Variants in TRPC5 observed in about 807,000 individuals in gnomAD.
TRPC5 encodes the protein transient receptor potential cation channel subfamily C member 5, also known as short transient receptor potential channel 5.
In TRPC5, 9 loss-of-function variants were observed where a neutral mutation model predicts 56.5. The ratio of observed to expected loss-of-function variants is 0.16; its 90% CI spans 0.10 to 0.28. The LOEUF is 0.28. Ranked by LOEUF, TRPC5 falls within the 10% of genes least tolerant of loss-of-function variation. The pLI, the probability that TRPC5 is intolerant of heterozygous loss-of-function variation, is 1.00. For missense variants in TRPC5, 469 were observed against 748.9 expected (o/e 0.63, Z 4.36); for synonymous variants, 282 against 278.5 (o/e 1.01, Z -0.13).
chrX:111,773,740 C>G lies in TRPC5; in HGVS notation c.*2573G>C, dbSNP rs760176987. Among the ~76,000 whole-genome samples, 1 of 111,199 alleles carries G rather than the reference C, an allele frequency of 9.0e-6. No individual in the cohort carries two copies. Among genetic ancestry groups the G allele is most frequent in the South Asian group, 3.8e-4 (1 of 2,602 alleles). On this transcript the variant is annotated 3_prime_UTR_variant, in exon 11 of 11. Coordinates refer to ENST00000262839, the MANE Select transcript of TRPC5 (RefSeq NM_012471.3). ...AATATGAGGTTGGAATAGAGTAGAT[C>G]CTTTATAAAGTTCTCTTTTAGTTCT...
At chrX:111,953,782 A>G (rs1242679392) in intron 1 of TRPC5, among the ~76,000 whole-genome samples, 2 of 112,750 alleles carry the variant, frequency 1.8e-5, no homozygotes, top group African/African-American at 3.2e-5. Flanking sequence ...CCAGGTAATG[A>G]CATCCCTGCT....
intron 1 of TRPC5, among the ~76,000 whole-genome samples, chrX:112,075,908 C>T (rs186654307): frequency 8.9e-6 from 1 of 112,228 alleles, no homozygotes; most frequent in African/African-American, 3.2e-5. Flanking sequence ...AGATTCTCTG[C>T]TAGAGCCTCC....
At chrX:111,933,778 C>G (rs1926486340) in intron 2 of TRPC5, among the ~76,000 whole-genome samples, 1 of 111,361 alleles carries the variant, frequency 9.0e-6, no homozygotes, top group African/African-American at 3.3e-5. Context: ...AGAGCCATGC[C>G]TAAGAGGAGT....
chrX:112,008,178 C>T (rs1193697976), intron 1 of TRPC5, among the ~76,000 whole-genome samples: 1 of 112,343 alleles, frequency 8.9e-6, no homozygotes, highest in Admixed American at 9.4e-5. Context: ...ATGTGAGTGG[C>T]CTTGGCCAAC....
intron 1 of TRPC5, among the ~76,000 whole-genome samples, chrX:111,977,142 C>T (rs973759442): frequency 2.7e-5 from 3 of 111,133 alleles, no homozygotes; most frequent in African/African-American, 9.8e-5. Context: ...AAAAAAAAAT[C>T]CTAATATTTG....
intron 1 of TRPC5, among the ~76,000 whole-genome samples, chrX:111,990,651 G>A (rs1026179229): frequency 9.1e-6 from 1 of 110,468 alleles, no homozygotes; most frequent in African/African-American, 3.3e-5. Flanking sequence ...TTTCAACCCC[G>A]TGTGTCTATG....
rs1167356440 is a variant in TRPC5 at position 111,937,603 on chromosome X, T to A, written c.378+14440A>T. 6.7e-3 allele frequency among the ~76,000 whole-genome samples: 724 copies of A among 107,951 alleles called. 4 individuals carry two copies. The highest frequency in any genetic ancestry group is 0.023 in the African/African-American group (675 of 29,203). 93.7% of individuals were successfully genotyped at this position (107,951 alleles called of 115,157 possible). A position where few individuals can be genotyped will look rare whatever the true frequency, so the allele number is the denominator to read the frequency against. On this transcript the variant is annotated intron_variant, in intron 2 of 10. Transcript: ENST00000262839. Reference sequence around the variant, plus strand: ...CCAGCACCATTTATTAAATAGGGAATCCTTTCCCCCATTGCTTGTTTTTCT... The same window carrying A: ...CCAGCACCATTTATTAAATAGGGAAACCTTTCCCCCATTGCTTGTTTTTCT...
chrX:111,930,590 G>T (rs1432700326), intron 2 of TRPC5: 1 of 110,856 alleles, frequency 9.0e-6, no homozygotes, highest in Non-Finnish European at 1.9e-5. Flanking sequence ...AACACAGGGA[G>T]AATATGTCTT....
intron 1 of TRPC5, among the ~76,000 whole-genome samples, chrX:111,970,750 G>A (rs1053332069): frequency 9.2e-6 from 1 of 108,133 alleles, no homozygotes. Context: ...AACTTGAAGC[G>A]TGAACTCAGG....
chrX:111,942,315 A>T (rs774390165), intron 2 of TRPC5, among the ~76,000 whole-genome samples: 2 of 112,557 alleles, frequency 1.8e-5, no homozygotes, highest in Admixed American at 9.4e-5. Flanking sequence ...AGTCAAAAAT[A>T]CTTAGAAAGT....
Position 111,779,000 on chromosome X carries a change from T to A in TRPC5, c.2217A>T (p.Thr739=), listed in dbSNP as rs767272735. The A allele has an allele frequency of 8.4e-7, 1 of 1,197,578 alleles. No homozygotes were observed. The highest frequency in any genetic ancestry group is 2.2e-5 in the Admixed American group (1 of 44,475). ...ATTAAATTACCTTAAAATTTTCTTCTGTAAGTCCCTCATGTGTTTTGGAAT... is the reference window on the plus strand; with the variant it reads ...ATTAAATTACCTTAAAATTTTCTTCAGTAAGTCCCTCATGTGTTTTGGAAT... The part of the protein sequence containing the change: ...IRNSKTHEGL[T]EENFKELKQD... The change falls in exon 10 of 11, where the codon ACA becomes ACT. Residue 739 remains threonine, a synonymous_variant. Transcript: ENST00000262839.
At chrX:111,786,252 G>C (rs1945963387) in intron 7 of TRPC5, among the ~76,000 whole-genome samples, 1 of 111,364 alleles carries the variant, frequency 9.0e-6, no homozygotes, top group Non-Finnish European at 1.9e-5. Context: ...GAAAGTGGGG[G>C]CCAATATTCA....
intron 2 of TRPC5, among the ~76,000 whole-genome samples, chrX:111,947,537 T>C (rs372329297): frequency 3.9e-4 from 43 of 110,763 alleles, no homozygotes; most frequent in South Asian, 1.6e-3. Flanking sequence ...GGGTTTCTTC[T>C]AGGCTGGTCT....
intron 7 of TRPC5, among the ~76,000 whole-genome samples, chrX:111,800,591 C>G (rs1232668220): frequency 2.7e-5 from 3 of 110,010 alleles, no homozygotes; most frequent in Non-Finnish European, 5.7e-5. Context: ...ATGGTGAAAC[C>G]CCCTCTCTAC....
Position 111,873,978 on chromosome X carries a change from C to T in TRPC5, c.901-19872G>A, listed in dbSNP as rs774620095. On this transcript the variant is annotated intron_variant, in intron 3 of 10. Transcript: ENST00000262839. ...TGCAACCATCCACCACACTCCTACACCTTTCTTGCCCTCACCACACATTCT... is the reference window on the plus strand; with the variant it reads ...TGCAACCATCCACCACACTCCTACATCTTTCTTGCCCTCACCACACATTCT... Among the ~76,000 whole-genome samples the T allele has an allele frequency of 3.6e-5, 4 of 111,687 alleles. No individual in the cohort carries two copies. The East Asian group carries it at 1.1e-3, about 32-fold the overall frequency.
chrX:111,804,906 G>C (rs1921449425), intron 7 of TRPC5, among the ~76,000 whole-genome samples: 3 of 112,080 alleles, frequency 2.7e-5, no homozygotes, highest in African/African-American at 9.7e-5. Context: ...AGTGGTGAAA[G>C]AGGGCATCCT....
chrX:112,057,928 G>A (rs1930376854), intron 1 of TRPC5, among the ~76,000 whole-genome samples: 1 of 111,705 alleles, frequency 9.0e-6, no homozygotes, highest in East Asian at 2.8e-4. Context: ...ATTTCAGGGG[G>A]CTAGTGGTCC....
At chrX:111,888,182 G>A (rs1254492468) in intron 3 of TRPC5, among the ~76,000 whole-genome samples, 2 of 111,603 alleles carry the variant, frequency 1.8e-5, no homozygotes, top group Admixed American at 9.6e-5. Context: ...TTTGAGGAAT[G>A]ACAGACCAGA....
rs1416536034 is a variant in TRPC5 at position 111,769,180 on chromosome X, A to G, written c.*7133T>C. 1.8e-5 allele frequency among the ~76,000 whole-genome samples: 2 copies of G among 111,028 alleles called. No individual in the cohort carries two copies. Among genetic ancestry groups the G allele is most frequent in the African/African-American group, 6.5e-5 (2 of 30,575 alleles). On this transcript the variant is annotated 3_prime_UTR_variant, in exon 11 of 11. Transcript: ENST00000262839. ...CTATGGAGGTTAGTGGTTTTTCTTT[A>G]CTGTCCCTCTCCCTGATAACAGCCT...
Sources: allele counts gnomAD v4.1 joint callset (sites outside exome capture counted in the v4.1 genomes callset), GRCh38; gene constraint gnomAD v4.1.1; transcripts MANE v1.5; gene names NCBI Gene and HGNC (gene_info 2026-07-23, HGNC 2026-07-21).